The following C8orf76 variants were observed in gnomAD, a reference collection of about 807,000 sequenced individuals.
C8orf76 encodes the protein uncharacterized protein C8orf76.
Under a neutral mutation model 38.1 loss-of-function variants are expected in C8orf76, and 46 were observed. The ratio of observed to expected loss-of-function variants is 1.21; its 90% confidence interval spans 0.95 to 1.54. The LOEUF (loss-of-function observed/expected upper bound fraction) is 1.54, where lower values mean the gene tolerates loss of function less well. Ranked by LOEUF, C8orf76 falls within the 40% of genes most tolerant of loss-of-function variation. The pLI is 0.00. For synonymous variants in C8orf76, 166 were observed against 167.5 expected, an observed-to-expected ratio of 0.99 and a Z score of 0.07; for missense variants, 461 against 441.6, an observed-to-expected ratio of 1.04 and a Z score of -0.39.
chr8:123,237,759 A>C (rs763418598), intron 3 of C8orf76, 39 bp downstream of exon 3: 4 of 1,599,200 alleles, frequency 2.5e-6, no homozygotes, highest in East Asian at 2.2e-5. Flanking sequence ...GACCACCCTT[A>C]TAGGAATGTG....
chr8:123,220,300 A>C lies in C8orf76; in HGVS notation c.949-3T>G. The C allele has an allele frequency of 6.5e-7, 1 of 1,544,094 alleles. No individual in the cohort carries two copies. Among genetic ancestry groups the C allele is most frequent in the Non-Finnish European group, 8.7e-7 (1 of 1,149,134 alleles). On this transcript the variant is annotated splice_polypyrimidine_tract_variant and splice_region_variant and intron_variant, in intron 5 of 5. Transcript: ENST00000276704. ...TCTGGGATATCTTCTCCCATAACCT[A>C]TAACAGGAGGAAAAAAAAAAACTGT...
At chr8:123,239,906 C>T (rs961564176) in intron 1 of C8orf76, 2 of 150,872 alleles carry the variant, frequency 1.3e-5, no homozygotes, top group African/African-American at 2.4e-5. Flanking sequence ...GCAGGAGAAT[C>T]GCTTTAACCC....
chr8:123,237,408 G>C (rs188217905), intron 3 of C8orf76, among the ~76,000 whole-genome samples: 4 of 152,182 alleles, frequency 2.6e-5, no homozygotes, highest in East Asian at 1.9e-4. Flanking sequence ...GTCATTTTGG[G>C]GGGGGGACCT....
Position 123,220,007 on chromosome 8 carries a change from C to A in C8orf76, c.*96G>T. 1.5e-6 allele frequency: 1 copy of A among 668,810 alleles called. No individual in the cohort carries two copies. Among genetic ancestry groups the A allele is most frequent in the Non-Finnish European group, 2.4e-6 (1 of 417,506 alleles). 41.4% of individuals were successfully genotyped at this position (668,810 alleles called of 1,614,324 possible). A position where few individuals can be genotyped will look rare whatever the true frequency, so the allele number is the denominator to read the frequency against. On this transcript the variant is annotated 3_prime_UTR_variant, in exon 6 of 6. Coordinates refer to ENST00000276704, the MANE Select transcript of C8orf76 (RefSeq NM_032847.3). ...GCCAGTTTTATAAAACATAAATAAT[C>A]ATTTATACTCCATGATTAGCAATGG...
intron 1 of C8orf76, among the ~76,000 whole-genome samples, 173 bp downstream of exon 1, chr8:123,241,057 G>T (rs1825666960): frequency 6.6e-6 from 1 of 152,230 alleles, no homozygotes; most frequent in Admixed American, 6.5e-5. Flanking sequence ...CCGGAATGGG[G>T]CCTGGGAAAG....
Position 123,231,213 on chromosome 8 carries a change from C to T in C8orf76, c.815+87G>A, listed in dbSNP as rs16898172. 3.3e-3 allele frequency: 4,869 copies of T among 1,463,360 alleles called. 164 individuals are homozygous for T. The African/African-American group carries it at 0.062, about 19-fold the overall frequency. The allele number at this position is 1,463,360 out of a possible 1,614,324, so 90.6% of individuals were successfully genotyped here. A position where few individuals can be genotyped will look rare whatever the true frequency, so the allele number is the denominator to read the frequency against. ...CAAAAATATATACCAAATGTCTAGC[C>T]TAGAACTTTTTGAAGCTTAAAATTA... On this transcript the variant is annotated intron_variant, in intron 4 of 5. Coordinates refer to ENST00000276704, the MANE Select transcript of C8orf76 (RefSeq NM_032847.3).
intron 5 of C8orf76, among the ~76,000 whole-genome samples, chr8:123,223,304 A>G (rs1325738064): frequency 1.3e-5 from 2 of 152,248 alleles, no homozygotes; most frequent in East Asian, 1.9e-4. Flanking sequence ...TATATACCCA[A>G]AAGAATTAAA....
In C8orf76 at chr8:123,241,320, G is replaced by A. The variant is rs772190463; in HGVS notation, c.27C>T (p.Gly9=). 1.9e-6 allele frequency: 3 copies of A among 1,571,526 alleles called. No individual in the cohort carries two copies. Among genetic ancestry groups the A allele is most frequent in the Admixed American group, 1.9e-5 (1 of 52,102 alleles). The change falls in exon 1 of 6, where the codon GGC becomes GGT. Residue 9 remains glycine, a synonymous_variant. Coordinates refer to ENST00000276704, the MANE Select transcript of C8orf76 (RefSeq NM_032847.3). MDSGCWLF[G]GEFEDSVFEE... is the part of the protein sequence containing the mutation. ...CGAACACCGAGTCCTCGAACTCGCC[G>A]CCGAACAACCAGCACCCGGAATCCA...
chr8:123,241,308 C>G lies in C8orf76; in HGVS notation c.39G>C (p.Glu13Asp). ...CCGGCCTCTCCTCGAACACCGAGTC[C>G]TCGAACTCGCCGCCGAACAACCAGC... ...SGCWLFGGEF[E>D]DSVFEERPER... The change falls in exon 1 of 6, where the codon GAG becomes GAC. Residue 13 changes from glutamate to aspartate, a missense_variant. Transcript: ENST00000276704. 1 of 1,574,458 alleles carries G rather than the reference C, an allele frequency of 6.4e-7. No homozygotes were observed. Among genetic ancestry groups the G allele is most frequent in the South Asian group, 1.1e-5 (1 of 87,734 alleles).
At chr8:123,240,239 T>C (rs1586814245) in intron 1 of C8orf76, among the ~76,000 whole-genome samples, 1 of 152,188 alleles carries the variant, frequency 6.6e-6, no homozygotes, top group East Asian at 1.9e-4. Context: ...GTTTTTTTAA[T>C]GTTCTGCCAC....
At position 123,226,573 on chromosome 8, in the gene C8orf76, C is replaced by T; in HGVS notation, c.875G>A (p.Arg292Lys). 1 of 1,612,922 alleles carries T rather than the reference C, an allele frequency of 6.2e-7. No homozygotes were observed. Among genetic ancestry groups the T allele is most frequent in the South Asian group, 1.1e-5 (1 of 90,752 alleles). Residue 292 changes from arginine (R) to lysine (K), a missense_variant, in exon 5 of 6, where the codon AGG becomes AAG. Physicochemically the swap from Arg to Lys is conservative, Grantham distance 26. Transcript: ENST00000276704. The stretch of plus-strand genomic sequence containing the variant: ...TTTATCTTCAATTTCCTGCTGAGTC[C>T]TTAAGTTCCTCTCCAAAGCAAACGA... ...QTSFALERNLRTQQEIEDKMK... is the reference protein window; with the variant it reads ...QTSFALERNLKTQQEIEDKMK...
chr8:123,231,439 A>G lies in C8orf76; in HGVS notation c.676T>C (p.Phe226Leu). 6.2e-7 allele frequency: 1 copy of G among 1,614,244 alleles called. No homozygotes were observed. The highest frequency in any genetic ancestry group is 8.5e-7 in the Non-Finnish European group (1 of 1,180,044). The stretch of plus-strand genomic sequence containing the variant: ...TTACTGCTATTCGCTTCCACAGAAA[A>G]TAAAGAGCTCTCAGGCAAGGTTTCA... ...FPETLPESSL[F>L]SVEANSSNSQ... is the part of the protein sequence containing the mutation. The change falls in exon 4 of 6, where the codon TTT becomes CTT. Residue 226 changes from phenylalanine to leucine, a missense_variant. Phe to Leu is a conservative substitution (Grantham distance 22). Transcript: ENST00000276704.
chr8:123,236,193 TTAA>T (rs1360766335), intron 3 of C8orf76, among the ~76,000 whole-genome samples: 1 of 152,170 alleles, frequency 6.6e-6, no homozygotes, highest in Non-Finnish European at 1.5e-5. Flanking sequence ...TTTCTCTTAG[TTAA>T]TGAGATGGCA....
intron 2 of C8orf76, chr8:123,238,815 C>G (rs1306863754): frequency 4.5e-6 from 2 of 440,358 alleles, no homozygotes; most frequent in Non-Finnish European, 8.3e-6. Flanking sequence ...AGGAATAAAC[C>G]TACAAGGACA....
At chr8:123,222,397 C>G in intron 5 of C8orf76, among the ~76,000 whole-genome samples, 1 of 152,056 alleles carries the variant, frequency 6.6e-6, no homozygotes, top group Non-Finnish European at 1.5e-5. Flanking sequence ...CCAAAAATGC[C>G]TTTCTTAAAA....
At chr8:123,228,990 T>C (rs576502386) in intron 4 of C8orf76, among the ~76,000 whole-genome samples, 7 of 152,344 alleles carry the variant, frequency 4.6e-5, no homozygotes, top group African/African-American at 1.7e-4. Flanking sequence ...GCATCAGCAA[T>C]TGACTAAGTT....
chr8:123,231,307 G>A lies in C8orf76; in HGVS notation c.808C>T (p.Arg270Ter), dbSNP rs770840453. 1.1e-5 allele frequency: 17 copies of A among 1,608,244 alleles called. No homozygotes were observed. Among genetic ancestry groups the A allele is most frequent in the African/African-American group, 9.4e-5 (7 of 74,442 alleles). ...AAGTGACTCTCAGCTTACCTGGTTC[G>A]TATAAAAGAGGCACATGCTTTCAGC... ...TQLKACASFI[R>*]TRLLLQFTQP... Residue 270 changes from arginine to a stop codon, truncating the protein, a stop_gained, in exon 4 of 6, where the codon CGA (arginine) becomes TGA (stop). Coordinates refer to ENST00000276704, the MANE Select transcript of C8orf76 (RefSeq NM_032847.3). LOFTEE classifies it high-confidence loss of function.
At chr8:123,226,439 T>C in intron 5 of C8orf76, 61 bp downstream of exon 5, 1 of 1,592,914 alleles carries the variant, frequency 6.3e-7, no homozygotes, top group Non-Finnish European at 8.5e-7. Context: ...AAAAATGCTA[T>C]CAGAGCCAGG....
chr8:123,239,439 T>G (rs1032677633), intron 1 of C8orf76: 4 of 245,400 alleles, frequency 1.6e-5, no homozygotes, highest in Non-Finnish European at 3.3e-5. Context: ...GATTGACAAT[T>G]CTTTACTGAA....
Sources: allele counts gnomAD v4.1 joint callset (sites outside exome capture counted in the v4.1 genomes callset), GRCh38; gene constraint gnomAD v4.1.1; transcripts MANE v1.5; gene names NCBI Gene and HGNC (gene_info 2026-07-23, HGNC 2026-07-21).